RPA1: variants seen among roughly 807,000 people sequenced by gnomAD.
RPA1 encodes the protein replication protein A 70 kDa DNA-binding subunit.
In RPA1, 49 loss-of-function variants were observed where a neutral mutation model predicts 83.0. That is an observed-to-expected ratio of 0.59 (90% confidence interval 0.47 to 0.75). The LOEUF (loss-of-function observed/expected upper bound fraction) is 0.75. RPA1 is among the 30% of genes least tolerant of loss of function. RPA1 has a pLI of 0.00. For missense variants in RPA1, 693 were observed against 776.1 expected, an observed-to-expected ratio of 0.89 and a Z score of 1.27; for synonymous variants, 279 against 281.8, an observed-to-expected ratio of 0.99 and a Z score of 0.10.
At chr17:1,831,543 TA>T (rs1428431083) in intron 1 of RPA1, among the ~76,000 whole-genome samples, 2 of 151,986 alleles carry the variant, frequency 1.3e-5, no homozygotes, top group Non-Finnish European at 2.9e-5. Context: ...CATTTTTTTT[TA>T]AATTTAGATT....
intron 6 of RPA1, among the ~76,000 whole-genome samples, chr17:1,875,444 G>T (rs1415957558): frequency 6.6e-6 from 1 of 152,196 alleles, no homozygotes; most frequent in East Asian, 1.9e-4. Context: ...GTGAGCTGCT[G>T]TGTGCGCAGC....
At position 1,898,826 on chromosome 17, in the gene RPA1, C is replaced by A. The variant is rs1369755909; in HGVS notation, c.*1651C>A. On this transcript the variant is annotated 3_prime_UTR_variant, in exon 17 of 17. Transcript: ENST00000254719. Reference sequence around the variant, plus strand: ...GGCCTCAGCCATTTTTACGGAAGTTCTTTTCTGTCTGACCTTGCTTATAAA... The same window carrying A: ...GGCCTCAGCCATTTTTACGGAAGTTATTTTCTGTCTGACCTTGCTTATAAA... The A allele has an allele frequency of 6.6e-6, 1 of 152,326 alleles. No homozygotes were observed. Among genetic ancestry groups the A allele is most frequent in the Non-Finnish European group, 1.5e-5 (1 of 68,040 alleles). The allele number at this position is 152,326 out of a possible 1,614,324, so 9.4% of individuals were successfully genotyped here.
At chr17:1,872,863 G>A (rs1417238955) in intron 6 of RPA1, among the ~76,000 whole-genome samples, 1 of 151,928 alleles carries the variant, frequency 6.6e-6, no homozygotes, top group Non-Finnish European at 1.5e-5. Flanking sequence ...TTGTAGAAAT[G>A]GTGTCTTACT....
At chr17:1,846,469 C>T (rs777787148) in intron 4 of RPA1, among the ~76,000 whole-genome samples, 38 of 152,080 alleles carry the variant, frequency 2.5e-4, no homozygotes, top group Admixed American at 9.8e-4. Flanking sequence ...AGGCGCCCAC[C>T]ACCACGCCTG....
intron 7 of RPA1, among the ~76,000 whole-genome samples, chr17:1,876,597 ATTAGAGTTCTTTT>A (rs930275619): frequency 6.6e-6 from 1 of 152,218 alleles, no homozygotes; most frequent in Non-Finnish European, 1.5e-5. Flanking sequence ...ATAGTTAAAA[ATTAGAGTTCTTTT>A]TTCAGAATCC....
In RPA1 at chr17:1,900,082, A is replaced by G. The variant is rs945260778; in HGVS notation, c.*2907A>G. The G allele has an allele frequency of 7.3e-6, 1 of 137,498 alleles. No individual in the cohort carries two copies. The allele number at this position is 137,498 out of a possible 1,614,324, so 8.5% of individuals were successfully genotyped here. The stretch of plus-strand genomic sequence containing the variant: ...AAACTGGTATTTTTGTTATTAAGAC[A>G]TTAAGTAAATGTTTAAGAAAAAAAA... On this transcript the variant is annotated 3_prime_UTR_variant, in exon 17 of 17. Transcript: ENST00000254719.
Position 1,880,569 on chromosome 17 carries a change from G to A in RPA1, c.1119G>A (p.Gln373=), listed in dbSNP as rs1425567971. ...EDADKFDGSR[Q]PVLAIKGARV... Reference sequence around the variant, plus strand: ...CTGATAAATTTGATGGTTCTAGACAGCCCGTGTTGGCTATCAAAGGAGCCC... The same window carrying A: ...CTGATAAATTTGATGGTTCTAGACAACCCGTGTTGGCTATCAAAGGAGCCC... Residue 373 remains glutamine (Q), a synonymous_variant, in exon 12 of 17, where the codon CAG becomes CAA. Transcript: ENST00000254719. 1 of 1,614,104 alleles carries A rather than the reference G, an allele frequency of 6.2e-7. No individual in the cohort carries two copies. The highest frequency in any genetic ancestry group is 2.2e-5 in the East Asian group (1 of 44,884).
At chr17:1,850,862 A>G (rs2151274288) in intron 4 of RPA1, among the ~76,000 whole-genome samples, 1 of 152,298 alleles carries the variant, frequency 6.6e-6, no homozygotes, top group Non-Finnish European at 1.5e-5. Context: ...ACTGCGCTCC[A>G]GCCTGGGTGA....
At chr17:1,868,473 G>C (rs1913265866) in intron 5 of RPA1, among the ~76,000 whole-genome samples, 1 of 152,096 alleles carries the variant, frequency 6.6e-6, no homozygotes, top group African/African-American at 2.4e-5. Flanking sequence ...TCCAAAATGT[G>C]CGTTGAAATT....
chr17:1,861,890 A>G (rs1379248547), intron 5 of RPA1, among the ~76,000 whole-genome samples: 1 of 147,884 alleles, frequency 6.8e-6, no homozygotes, highest in Admixed American at 6.7e-5. Context: ...GCACCCTGCT[A>G]ATTTTTGTTT....
chr17:1,870,199 C>T (rs1913326815), intron 5 of RPA1, among the ~76,000 whole-genome samples: 1 of 152,170 alleles, frequency 6.6e-6, no homozygotes, highest in Non-Finnish European at 1.5e-5. Context: ...ATGCACGTAC[C>T]TGCACTCTCC....
At chr17:1,875,098 A>G (rs560657372) in intron 6 of RPA1, among the ~76,000 whole-genome samples, 2 of 152,314 alleles carry the variant, frequency 1.3e-5, no homozygotes, top group South Asian at 4.1e-4. Flanking sequence ...TATCTTGACC[A>G]AAAACTGATT....
chr17:1,866,592 T>G (rs996247615), intron 5 of RPA1, among the ~76,000 whole-genome samples: 1 of 146,318 alleles, frequency 6.8e-6, no homozygotes, highest in Non-Finnish European at 1.5e-5. Flanking sequence ...GCTGGGATTA[T>G]AGGCGTGGGC....
chr17:1,888,172 T>C (rs1436626386), intron 13 of RPA1, among the ~76,000 whole-genome samples: 1 of 152,158 alleles, frequency 6.6e-6, no homozygotes, highest in Non-Finnish European at 1.5e-5. Flanking sequence ...AGAAGCAGCT[T>C]GCTGATCCCT....
chr17:1,841,304 CTTTTTAT>C (rs1343882930), intron 1 of RPA1, among the ~76,000 whole-genome samples: 3 of 152,006 alleles, frequency 2.0e-5, no homozygotes, highest in African/African-American at 4.8e-5. Flanking sequence ...CCTTTTTAAT[CTTTTTAT>C]TTTTTATTTT....
intron 4 of RPA1, among the ~76,000 whole-genome samples, chr17:1,847,424 C>A (rs1912304233): frequency 6.6e-6 from 1 of 152,220 alleles, no homozygotes; most frequent in South Asian, 2.1e-4. Context: ...CCCACTCTCT[C>A]CAGTCACGGA....
chr17:1,874,032 T>TATATATATATATATATAC (rs1171343408), intron 6 of RPA1, among the ~76,000 whole-genome samples: 4 of 79,272 alleles, frequency 5.0e-5, no homozygotes, highest in Non-Finnish European at 6.3e-5. Flanking sequence ...TATATATATA[T>TATATATATATATATATAC]ACACACACAC....
intron 1 of RPA1, among the ~76,000 whole-genome samples, chr17:1,837,000 G>C (rs540248014): frequency 6.6e-6 from 1 of 152,070 alleles, no homozygotes; most frequent in East Asian, 1.9e-4. Context: ...ACCATCCCCA[G>C]CTAATTTTTG....
chr17:1,895,178 G>A (rs887135367), intron 16 of RPA1, 83 bp downstream of exon 16: 1 of 1,106,874 alleles, frequency 9.0e-7, no homozygotes, highest in African/African-American at 1.6e-5. Flanking sequence ...CTCCCTGGCA[G>A]GGAGTTACTG....
Sources: gnomAD v4.1 joint callset for allele counts (sites outside exome capture counted in the v4.1 genomes callset) on GRCh38, gnomAD v4.1.1 for gene constraint, MANE v1.5 for transcripts, NCBI Gene and HGNC (gene_info 2026-07-23, HGNC 2026-07-21) for gene names.